The following FAAH2 variants were observed in gnomAD, a reference collection of about 807,000 sequenced individuals.
FAAH2 encodes the protein fatty-acid amide hydrolase 2.
In FAAH2, 60 loss-of-function variants were observed where a neutral mutation model predicts 36.9. That is an observed-to-expected ratio of 1.63 (90% CI 1.32 to 2.02). The LOEUF is 2.02. FAAH2 is among the 30% of genes most tolerant of loss of function. The pLI, the probability that FAAH2 is intolerant of heterozygous loss-of-function variation, is 0.00. For synonymous variants in FAAH2, 214 were observed against 143.8 expected (o/e 1.49, Z -3.49); for missense variants, 689 against 397.5 (o/e 1.73, Z -6.23).
At chrX:57,355,542 C>A (rs1172697189) in intron 5 of FAAH2, among the ~76,000 whole-genome samples, 2 of 110,573 alleles carry the variant, frequency 1.8e-5, no homozygotes, top group Admixed American at 1.9e-4. Context: ...TATTTTACTC[C>A]TTTTCATGCC....
chrX:57,333,790 A>G (rs1326252952), intron 4 of FAAH2, among the ~76,000 whole-genome samples: 1 of 111,775 alleles, frequency 8.9e-6, no homozygotes, highest in Admixed American at 9.5e-5. Context: ...ACAAATGCAT[A>G]TAATACACAT....
chrX:57,220,421 G>A, the FAAH2 span, among the ~76,000 whole-genome samples: 4 of 110,534 alleles, frequency 3.6e-5, no homozygotes, highest in South Asian at 3.8e-4. Context: ...TAACTCAACC[G>A]CGCTTTCCCC....
chrX:57,247,887 G>A, the FAAH2 span, among the ~76,000 whole-genome samples: 1 of 112,170 alleles, frequency 8.9e-6, no homozygotes, highest in Non-Finnish European at 1.9e-5. Context: ...ATGAGAGACC[G>A]AAGATACAGT....
chrX:57,390,607 A>T (rs1482863006), intron 7 of FAAH2, among the ~76,000 whole-genome samples: 1 of 111,210 alleles, frequency 9.0e-6, no homozygotes, highest in Non-Finnish European at 1.9e-5. Context: ...GAGTTGTTTA[A>T]CTTAGGATAA....
the FAAH2 span, among the ~76,000 whole-genome samples, chrX:57,184,501 C>T: frequency 2.7e-5 from 3 of 112,278 alleles, no homozygotes; most frequent in Non-Finnish European, 3.8e-5. Flanking sequence ...AAAGAACCTA[C>T]GTTGAAATAT....
the FAAH2 span, among the ~76,000 whole-genome samples, chrX:57,198,385 C>A: frequency 8.9e-6 from 1 of 111,734 alleles, no homozygotes; most frequent in Non-Finnish European, 1.9e-5. Context: ...TCACCCAACT[C>A]CCATTCAGTC....
the FAAH2 span, among the ~76,000 whole-genome samples, chrX:57,160,702 T>A: frequency 8.9e-6 from 1 of 112,235 alleles, no homozygotes; most frequent in African/African-American, 3.2e-5. Context: ...TTTGTCCTTT[T>A]TTATTGCATC....
chrX:57,253,881 C>T, the FAAH2 span, among the ~76,000 whole-genome samples: 5 of 111,685 alleles, frequency 4.5e-5, no homozygotes, highest in South Asian at 3.7e-4. Flanking sequence ...GACACAATAA[C>T]GAGCTAACAT....
intron 2 of FAAH2, among the ~76,000 whole-genome samples, chrX:57,300,329 C>G (rs769614268): frequency 1.8e-5 from 2 of 111,763 alleles, no homozygotes; most frequent in East Asian, 2.8e-4. Flanking sequence ...TGATCTTTGA[C>G]AAACCTGACA....
At chrX:57,157,689 C>A in the FAAH2 span, among the ~76,000 whole-genome samples, 1 of 111,860 alleles carries the variant, frequency 8.9e-6, no homozygotes, top group East Asian at 2.8e-4. Flanking sequence ...GATCAATCAC[C>A]TGACGTTTTG....
intron 2 of FAAH2, among the ~76,000 whole-genome samples, chrX:57,293,461 G>A (rs1024355549): frequency 7.2e-5 from 8 of 111,734 alleles, no homozygotes; most frequent in African/African-American, 9.8e-5. Context: ...CATCTCAACA[G>A]CATTTCAAAA....
chrX:57,244,519 G>A, the FAAH2 span, among the ~76,000 whole-genome samples: 2 of 111,877 alleles, frequency 1.8e-5, no homozygotes, highest in Non-Finnish European at 3.8e-5. Context: ...ACCCACAAGG[G>A]AATCCCATCA....
chrX:57,443,506 C>T (rs1266605443), intron 8 of FAAH2, among the ~76,000 whole-genome samples: 1 of 111,818 alleles, frequency 8.9e-6, no homozygotes, highest in Non-Finnish European at 1.9e-5. Flanking sequence ...GTTTACCATT[C>T]GTCTGATCTT....
chrX:57,247,553 T>C, the FAAH2 span, among the ~76,000 whole-genome samples: 1 of 111,705 alleles, frequency 9.0e-6, no homozygotes, highest in Non-Finnish European at 1.9e-5. Flanking sequence ...GCACTTTAAC[T>C]ATATAAGGCC....
At chrX:57,336,444 G>A (rs1477637733) in intron 4 of FAAH2, among the ~76,000 whole-genome samples, 2 of 111,326 alleles carry the variant, frequency 1.8e-5, no homozygotes, top group Non-Finnish European at 3.8e-5. Context: ...TCACACGGAC[G>A]CGCATGAAAC....
chrX:57,193,068 C>T, the FAAH2 span, among the ~76,000 whole-genome samples: 2 of 112,188 alleles, frequency 1.8e-5, no homozygotes, highest in African/African-American at 6.5e-5. Flanking sequence ...TAAACTCTGA[C>T]CACTGGTGAG....
intron 7 of FAAH2, among the ~76,000 whole-genome samples, chrX:57,399,125 A>G (rs180834330): frequency 7.4e-4 from 83 of 111,534 alleles, no homozygotes; most frequent in African/African-American, 2.5e-3. Flanking sequence ...TTGTAGTTTT[A>G]CAGCTTCGAT....
At chrX:57,401,235 T>C (rs1272758954) in intron 7 of FAAH2, among the ~76,000 whole-genome samples, 1 of 111,932 alleles carries the variant, frequency 8.9e-6, no homozygotes, top group East Asian at 2.8e-4. Flanking sequence ...GACAAGAGTG[T>C]CCAGGTATGA....
chrX:57,484,982 G>T (rs192862482), intron 10 of FAAH2, among the ~76,000 whole-genome samples: 1 of 111,773 alleles, frequency 8.9e-6, no homozygotes. Context: ...GACCAGTCAG[G>T]TGGTGGGAAC....
Sources: gnomAD v4.1 joint callset for allele counts (sites outside exome capture counted in the v4.1 genomes callset) on GRCh38, gnomAD v4.1.1 for gene constraint, MANE v1.5 for transcripts, NCBI Gene and HGNC (gene_info 2026-07-23, HGNC 2026-07-21) for gene names.